The following MACROD1 variants were observed in gnomAD, a reference collection of about 807,000 sequenced individuals.
MACROD1 encodes the protein ADP-ribose glycohydrolase MACROD1.
A neutral mutation model predicts 41.4 loss-of-function variants in MACROD1; 31 were observed. The ratio of observed to expected loss-of-function variants is 0.75; its 90% CI spans 0.56 to 1.01. The LOEUF (loss-of-function observed/expected upper bound fraction) is 1.01. MACROD1 is among the 50% of genes least tolerant of loss of function. MACROD1 has a pLI of 0.00. For missense variants in MACROD1, 473 were observed against 460.0 expected, an observed-to-expected ratio of 1.03 and a Z score of -0.26; for synonymous variants, 252 against 203.4, an observed-to-expected ratio of 1.24 and a Z score of -2.03.
At chr11:64,136,101 A>G (rs1056533610) in intron 3 of MACROD1, among the ~76,000 whole-genome samples, 1 of 152,206 alleles carries the variant, frequency 6.6e-6, no homozygotes, top group African/African-American at 2.4e-5. Flanking sequence ...GGTGGCCACC[A>G]TGACCTCGAT....
At chr11:64,020,787 C>T (rs930199344) in intron 3 of MACROD1, among the ~76,000 whole-genome samples, 3 of 152,086 alleles carry the variant, frequency 2.0e-5, no homozygotes, top group Non-Finnish European at 4.4e-5. Flanking sequence ...GGTTCGATCT[C>T]GGTTCACTGC....
chr11:64,045,533 C>G (rs564736402), intron 3 of MACROD1, among the ~76,000 whole-genome samples: 1 of 152,288 alleles, frequency 6.6e-6, no homozygotes, highest in East Asian at 1.9e-4. Flanking sequence ...ATCCCAGCCT[C>G]TGGGTCACTT....
rs1394437229 is a variant in MACROD1 at position 64,088,988 on chromosome 11, C to T, written c.517+62251G>A. ...GGGAGGAGGCAGAGGTTACCAGACT[C>T]AGAGAGAGCCACCGAAGCCACTGGG... On this transcript the variant is annotated intron_variant, in intron 3 of 10. Coordinates refer to ENST00000255681, the MANE Select transcript of MACROD1 (RefSeq NM_014067.4). Among the ~76,000 whole-genome samples the T allele has an allele frequency of 2.0e-5, 3 of 152,252 alleles. No individual in the cohort carries two copies. The East Asian group carries it at 5.8e-4, about 29-fold the overall frequency.
intron 3 of MACROD1, among the ~76,000 whole-genome samples, chr11:64,041,752 A>T (rs921436635): frequency 2.0e-5 from 3 of 151,920 alleles, no homozygotes; most frequent in African/African-American, 7.3e-5. Flanking sequence ...ATCCAATTCC[A>T]CTTCTCTCTG....
At chr11:64,070,052 A>T (rs764674444) in intron 3 of MACROD1, among the ~76,000 whole-genome samples, 3 of 152,132 alleles carry the variant, frequency 2.0e-5, no homozygotes, top group Non-Finnish European at 2.9e-5. Flanking sequence ...CTCTGTGCTA[A>T]GCACTCCCTG....
chr11:64,032,897 C>T (rs1417826186), intron 3 of MACROD1, among the ~76,000 whole-genome samples: 1 of 152,152 alleles, frequency 6.6e-6, no homozygotes, highest in East Asian at 1.9e-4. Flanking sequence ...CCCTGCACAC[C>T]CATCCTGGCT....
intron 3 of MACROD1, among the ~76,000 whole-genome samples, chr11:64,016,566 A>G (rs1943083889): frequency 6.6e-6 from 1 of 152,254 alleles, no homozygotes; most frequent in Non-Finnish European, 1.5e-5. Context: ...TGAGGACGGC[A>G]TGGACGCTGC....
At chr11:64,084,703 C>T (rs1018879532) in intron 3 of MACROD1, among the ~76,000 whole-genome samples, 59 of 152,204 alleles carry the variant, frequency 3.9e-4, no homozygotes, top group African/African-American at 1.4e-3. Context: ...GCAGGGCTGT[C>T]CACGTGCCCG....
intron 3 of MACROD1, among the ~76,000 whole-genome samples, chr11:64,143,225 G>A (rs1945439026): frequency 6.6e-6 from 1 of 151,960 alleles, no homozygotes; most frequent in Non-Finnish European, 1.5e-5. Context: ...GAAAAAGAAA[G>A]AAAAAAACCT....
chr11:64,103,233 T>C (rs1038697342), intron 3 of MACROD1: 1 of 152,332 alleles, frequency 6.6e-6, no homozygotes, highest in African/African-American at 2.4e-5. Context: ...GGATTCCTTT[T>C]TGGACAGACA....
intron 3 of MACROD1, chr11:64,060,707 T>G (rs1211256595): frequency 6.6e-6 from 1 of 152,252 alleles, no homozygotes; most frequent in Admixed American, 6.5e-5. Context: ...CATTCATTCA[T>G]TCATCAACTT....
chr11:64,161,291 G>T (rs949337884), intron 1 of MACROD1, among the ~76,000 whole-genome samples: 1 of 152,178 alleles, frequency 6.6e-6, no homozygotes, highest in Non-Finnish European at 1.5e-5. Flanking sequence ...TAACAAGGAC[G>T]AACTGGCCGG....
rs1356620753 is a variant in MACROD1 at position 64,090,715 on chromosome 11, A to G, written c.517+60524T>C. ...GACGTCCCAAGACTAAAATGGGGGC[A>G]GGGGTGGCAGCGTCTCTCCACCACA... On this transcript the variant is annotated intron_variant, in intron 3 of 10. Transcript: ENST00000255681. This position sits in a 1 kb window ranked among gnomAD's most constrained non-coding sequence, Gnocchi z 4.7. Among the ~76,000 whole-genome samples the G allele has an allele frequency of 3.3e-5, 5 of 151,986 alleles. No individual in the cohort carries two copies. Among genetic ancestry groups the G allele is most frequent in the African/African-American group, 1.2e-4 (5 of 41,460 alleles).
chr11:64,109,388 C>T (rs889999647), intron 3 of MACROD1, among the ~76,000 whole-genome samples: 8 of 152,260 alleles, frequency 5.3e-5, no homozygotes, highest in African/African-American at 1.9e-4. Flanking sequence ...ACTGCTCCCC[C>T]AGACCTGGGA....
chr11:64,045,003 G>A (rs1477697692), intron 3 of MACROD1, among the ~76,000 whole-genome samples: 2 of 152,236 alleles, frequency 1.3e-5, no homozygotes, highest in Non-Finnish European at 2.9e-5. Context: ...GCACTTTGGA[G>A]CCAGGTGGGA....
At chr11:64,088,445 G>A (rs907042113) in intron 3 of MACROD1, among the ~76,000 whole-genome samples, 74 of 152,312 alleles carry the variant, frequency 4.9e-4, no homozygotes, top group African/African-American at 1.4e-3. Context: ...CTGCAGGTGC[G>A]GCTGTGGGCC....
intron 3 of MACROD1, among the ~76,000 whole-genome samples, chr11:64,079,391 G>C (rs1944264014): frequency 6.6e-6 from 1 of 152,004 alleles, no homozygotes; most frequent in Non-Finnish European, 1.5e-5. Context: ...TAGGAGGGAA[G>C]GGGGTCGTTG....
chr11:64,164,163 T>C (rs1945798940), intron 1 of MACROD1, among the ~76,000 whole-genome samples: 1 of 152,230 alleles, frequency 6.6e-6, no homozygotes, highest in African/African-American at 2.4e-5. Flanking sequence ...GGCCCTTGCC[T>C]ATCTGACACA....
chr11:64,161,567 AC>A (rs1196078154), intron 1 of MACROD1, among the ~76,000 whole-genome samples: 1 of 152,240 alleles, frequency 6.6e-6, no homozygotes, highest in Non-Finnish European at 1.5e-5. Flanking sequence ...TTCAAGGGCC[AC>A]GGCTCAGACC....
Sources: allele counts gnomAD v4.1 joint callset (sites outside exome capture counted in the v4.1 genomes callset), GRCh38; gene constraint gnomAD v4.1.1; non-coding constraint Gnocchi (gnomAD v3.1); transcripts MANE v1.5; gene names NCBI Gene and HGNC (gene_info 2026-07-23, HGNC 2026-07-21).